CHST6: variants seen among roughly 807,000 people sequenced by gnomAD.
CHST6 encodes the protein N-acetylglucosamine 6-O-sulfotransferase 5.
For missense variants in CHST6, 698 were observed against 586.2 expected (o/e 1.19, Z -1.97); for synonymous variants, 309 against 276.4 (o/e 1.12, Z -1.17).
At chr16:75,485,942 G>A (rs2080192330) in intron 1 of CHST6, among the ~76,000 whole-genome samples, 1 of 152,184 alleles carries the variant, frequency 6.6e-6, no homozygotes, top group South Asian at 2.1e-4. Flanking sequence ...AGTCCATCTT[G>A]TACAGTTGCC....
chr16:75,479,671 G>A lies in CHST6; in HGVS notation c.158C>T (p.Ser53Leu), dbSNP rs1367368617. 6.2e-7 allele frequency: 1 copy of A among 1,612,394 alleles called. No homozygotes were observed. The highest frequency in any genetic ancestry group is 1.3e-5 in the African/African-American group (1 of 74,924). The stretch of plus-strand genomic sequence containing the variant: ...GTTGAAGAGTTGGCCCACGAAGGAC[G>A]AGCCCGAGCGCCACGAGGACAGCAC... ...VLVLSSWRSG[S>L]SFVGQLFNQH... Residue 53 changes from serine (S) to leucine (L), a missense_variant, in exon 3 of 3, where the codon TCG (serine) becomes TTG (leucine). By Grantham distance (145) the Ser-to-Leu change is moderately radical. Transcript: ENST00000332272.
At chr16:75,484,936 C>G (rs529399579) in intron 1 of CHST6, among the ~76,000 whole-genome samples, 1 of 152,290 alleles carries the variant, frequency 6.6e-6, no homozygotes, top group Admixed American at 6.5e-5. Flanking sequence ...AGAGGCCACA[C>G]CCCCTGGGCA....
intron 1 of CHST6, among the ~76,000 whole-genome samples, chr16:75,487,234 G>A (rs567818247): frequency 1.3e-5 from 2 of 152,194 alleles, no homozygotes; most frequent in Non-Finnish European, 2.9e-5. Flanking sequence ...AAGGAGCTAT[G>A]GTTCTGCCTG....
chr16:75,491,165 TAAAAAAAAAA>T lies in CHST6; in HGVS notation c.-92+3765_-92+3774del, dbSNP rs1168619782. Among the ~76,000 whole-genome samples the T allele has an allele frequency of 4.6e-3, 121 of 26,352 alleles. 1 individual carries two copies. The highest frequency in any genetic ancestry group is 7.7e-3 in the Admixed American group (15 of 1,958). The allele number at this position is 26,352 out of a possible 152,430, so 17.3% of individuals were successfully genotyped here. On this transcript the variant is annotated intron_variant, in intron 1 of 2. Coordinates refer to ENST00000332272, the MANE Select transcript of CHST6 (RefSeq NM_021615.5). ...GGGTGACAAGAGTGAAACTCCGTCT[TAAAAAAAAAA>T]AAAAAAAAAAAAAAAATATATATAT...
chr16:75,489,294 G>A (rs2080232631), intron 1 of CHST6, among the ~76,000 whole-genome samples: 1 of 149,340 alleles, frequency 6.7e-6, no homozygotes, highest in Non-Finnish European at 1.5e-5. Flanking sequence ...AGCTACTCGT[G>A]AAGATGAGGC....
rs1055055905 is a variant in CHST6, at chr16:75,473,636, C to A, written c.*5005G>T. 6.6e-6 allele frequency: 1 copy of A among 152,176 alleles called. No homozygotes were observed. The allele number at this position is 152,176 out of a possible 1,614,324, so 9.4% of individuals were successfully genotyped here. ...TAAACTCTCCATCACTGGACACAACCCTTGACTCAGAGGTGGTACCAGAGG... is the reference window on the plus strand; with the variant it reads ...TAAACTCTCCATCACTGGACACAACACTTGACTCAGAGGTGGTACCAGAGG... On this transcript the variant is annotated 3_prime_UTR_variant, in exon 3 of 3. Coordinates refer to ENST00000332272, the MANE Select transcript of CHST6 (RefSeq NM_021615.5).
chr16:75,488,759 G>C (rs1474360706), intron 1 of CHST6, among the ~76,000 whole-genome samples: 1 of 151,602 alleles, frequency 6.6e-6, no homozygotes, highest in Admixed American at 6.6e-5. Context: ...CAAGGTGGGT[G>C]GATCACATGA....
At chr16:75,493,276 TGAG>T (rs1168084257) in intron 1 of CHST6, among the ~76,000 whole-genome samples, 1 of 151,912 alleles carries the variant, frequency 6.6e-6, no homozygotes, top group Admixed American at 6.6e-5. Flanking sequence ...TTTGCGAGGC[TGAG>T]GAGGGCGGAT....
intron 1 of CHST6, among the ~76,000 whole-genome samples, chr16:75,482,845 G>C (rs1306938590): frequency 2.0e-5 from 3 of 152,070 alleles, no homozygotes; most frequent in Non-Finnish European, 4.4e-5. Context: ...GGGGTGGGTG[G>C]AGGATGCCCA....
At chr16:75,489,825 A>G (rs529398118) in intron 1 of CHST6, among the ~76,000 whole-genome samples, 1 of 152,220 alleles carries the variant, frequency 6.6e-6, no homozygotes, top group East Asian at 1.9e-4. Context: ...TGAATAAAGA[A>G]AAAAATTAAA....
At chr16:75,485,041 C>A (rs901386482) in intron 1 of CHST6, among the ~76,000 whole-genome samples, 1 of 151,998 alleles carries the variant, frequency 6.6e-6, no homozygotes, top group Non-Finnish European at 1.5e-5. Context: ...ACCTCAGAGG[C>A]AATTCTGCTT....
At position 75,478,552 on chromosome 16, in the gene CHST6, A is replaced by C. The variant is rs1024541713; in HGVS notation, c.*89T>G. On this transcript the variant is annotated 3_prime_UTR_variant, in exon 3 of 3. Transcript: ENST00000332272. ...TCGTACCACAAACTCCTTGGTCAAT[A>C]TAGGGACCTGCTTCTCCGTGCGCCC... 2.2e-6 allele frequency: 3 copies of C among 1,346,322 alleles called. No homozygotes were observed. The African/African-American group carries it at 4.3e-5, about 19-fold the overall frequency. The allele number at this position is 1,346,322 out of a possible 1,614,324, so 83.4% of individuals were successfully genotyped here. A position where few individuals can be genotyped will look rare whatever the true frequency, so the allele number is the denominator to read the frequency against.
chr16:75,480,247 T>G (rs907825326), intron 2 of CHST6, among the ~76,000 whole-genome samples: 1 of 152,224 alleles, frequency 6.6e-6, no homozygotes, highest in Non-Finnish European at 1.5e-5. Flanking sequence ...GTTGTTGAAC[T>G]GATGGGCGCT....
At position 75,476,528 on chromosome 16, in the gene CHST6, T is replaced by C. The variant is rs2080067161; in HGVS notation, c.*2113A>G. ...GTGAGCCGAGATTGTGCCACTGCACTCCAGCCTGGGCGACAGAGCCAGACT... is the reference window on the plus strand; with the variant it reads ...GTGAGCCGAGATTGTGCCACTGCACCCCAGCCTGGGCGACAGAGCCAGACT... On this transcript the variant is annotated 3_prime_UTR_variant, in exon 3 of 3. Coordinates refer to ENST00000332272, the MANE Select transcript of CHST6 (RefSeq NM_021615.5). 2 of 111,870 alleles carry C rather than the reference T, an allele frequency of 1.8e-5. No homozygotes were observed. 6.9% of individuals were successfully genotyped at this position (111,870 alleles called of 1,614,324 possible).
chr16:75,493,046 T>C (rs1047655091), intron 1 of CHST6, among the ~76,000 whole-genome samples: 1 of 152,060 alleles, frequency 6.6e-6, no homozygotes, highest in Non-Finnish European at 1.5e-5. Context: ...AACAATCTTG[T>C]TCATGTATTT....
In CHST6 at chr16:75,482,607, C is replaced by T. The variant is rs147260547; in HGVS notation, c.-91-716G>A. Among the ~76,000 whole-genome samples, 495 of 152,236 alleles carry T rather than the reference C, an allele frequency of 3.3e-3. 3 individuals carry two copies. The highest frequency in any genetic ancestry group is 5.2e-3 in the Non-Finnish European group (351 of 68,020). On this transcript the variant is annotated intron_variant, in intron 1 of 2. Coordinates refer to ENST00000332272, the MANE Select transcript of CHST6 (RefSeq NM_021615.5). ...TGGAAGGAACACTGAGCCAGCTTCC[C>T]GCATTCCAAGGTCCCAAAGTGTTCT...
rs761343224 is a variant in CHST6 at position 75,478,692 on chromosome 16, G to A, written c.1137C>T (p.Gly379=). Residue 379 remains glycine, a synonymous_variant, in exon 3 of 3, where the codon GGC becomes GGT. Transcript: ENST00000332272. ...NLALDLVLPR[G]LNGFTWASST... ...ATGATGCCCAAGTGAAGCCGTTCAG[G>A]CCTCGTGGCAGCACCAGATCAAGGG... 13 of 1,613,736 alleles carry A rather than the reference G, an allele frequency of 8.1e-6. No individual in the cohort carries two copies. The highest frequency in any genetic ancestry group is 1.0e-5 in the Non-Finnish European group (12 of 1,180,034).
At position 75,473,621 on chromosome 16, in the gene CHST6, A is replaced by C. The variant is rs2080037476; in HGVS notation, c.*5020T>G. ...CCTAAAGGCACGATATAAACTCTCC[A>C]TCACTGGACACAACCCTTGACTCAG... On this transcript the variant is annotated 3_prime_UTR_variant, in exon 3 of 3. Transcript: ENST00000332272. 1 of 152,116 alleles carries C rather than the reference A, an allele frequency of 6.6e-6. No homozygotes were observed. Among genetic ancestry groups the C allele is most frequent in the African/African-American group, 2.4e-5 (1 of 41,416 alleles). 9.4% of individuals were successfully genotyped at this position (152,116 alleles called of 1,614,324 possible).
chr16:75,475,480 C>T lies in CHST6; in HGVS notation c.*3161G>A, dbSNP rs2080057099. ...GTCACCCCCACAGCAACCCAGAGCT[C>T]TGTGCCCTGTCACAGCATTGGGCAG... On this transcript the variant is annotated 3_prime_UTR_variant, in exon 3 of 3. Coordinates refer to ENST00000332272, the MANE Select transcript of CHST6 (RefSeq NM_021615.5). The T allele has an allele frequency of 2.0e-5, 3 of 152,560 alleles. No homozygotes were observed. The highest frequency in any genetic ancestry group is 1.9e-4 in the East Asian group (1 of 5,186). The allele number at this position is 152,560 out of a possible 1,614,324, so 9.5% of individuals were successfully genotyped here. A position where few individuals can be genotyped will look rare whatever the true frequency, so the allele number is the denominator to read the frequency against.
Sources: allele counts gnomAD v4.1 joint callset (sites outside exome capture counted in the v4.1 genomes callset), GRCh38; gene constraint gnomAD v4.1.1; transcripts MANE v1.5; gene names NCBI Gene and HGNC (gene_info 2026-07-23, HGNC 2026-07-21).